SPATA13: variants seen among roughly 807,000 people sequenced by gnomAD.
SPATA13 encodes spermatogenesis-associated protein 13.
In SPATA13, 50 loss-of-function variants were observed where a neutral mutation model predicts 104.0. That is an observed-to-expected ratio of 0.48 (90% CI 0.38 to 0.61). The LOEUF (loss-of-function observed/expected upper bound fraction) is 0.61, where lower values mean the gene tolerates loss of function less well. SPATA13 is among the 20% of genes least tolerant of loss of function. The pLI, the probability that SPATA13 is intolerant of heterozygous loss-of-function variation, is 0.00. For synonymous variants in SPATA13, 606 were observed against 667.5 expected, an observed-to-expected ratio of 0.91 and a Z score of 1.42; for missense variants, 1,524 against 1,690.6, an observed-to-expected ratio of 0.90 and a Z score of 1.73.
At position 24,286,474 on chromosome 13, in the gene SPATA13, C is replaced by G; in HGVS notation, c.2481+81C>G. On this transcript the variant is annotated intron_variant, in intron 6 of 12. Transcript: ENST00000382108. The surrounding 1 kb of genome is among the most constrained non-coding windows in gnomAD (Gnocchi z 4.9). ...TTTCAGGTCAGAACTCGCCTTTTAT[C>G]AGGTCAGCTCTTTTGTAATTGATAT... is the stretch of plus-strand genomic sequence containing the variant. 7.2e-7 allele frequency: 1 copy of G among 1,392,620 alleles called. No homozygotes were observed. Among genetic ancestry groups the G allele is most frequent in the Non-Finnish European group, 9.7e-7 (1 of 1,030,106 alleles). The allele number at this position is 1,392,620 out of a possible 1,614,324, so 86.3% of individuals were successfully genotyped here.
chr13:24,037,210 G>A (rs1202118871), intron 3 of SPATA13, among the ~76,000 whole-genome samples: 1 of 115,510 alleles, frequency 8.7e-6, no homozygotes, highest in East Asian at 3.0e-4. Flanking sequence ...TCATAGGGTG[G>A]GGGGAGGGGG....
chr13:24,122,459 C>G, intron 3 of SPATA13: 4 of 1,607,006 alleles, frequency 2.5e-6, no homozygotes, highest in Admixed American at 1.7e-5. Flanking sequence ...TCTTCACCAG[C>G]CTGCTTAGCC....
In SPATA13 at chr13:24,286,098, C is replaced by T. The variant is rs758512515; in HGVS notation, c.2302-116C>T. On this transcript the variant is annotated intron_variant, in intron 5 of 12. Coordinates refer to ENST00000382108, the MANE Select transcript of SPATA13 (RefSeq NM_001166271.3). This position sits in a 1 kb window ranked among gnomAD's most constrained non-coding sequence, Gnocchi z 4.9. The stretch of plus-strand genomic sequence containing the variant: ...ATAGTCAGTGTGGACCAAATGCCAC[C>T]AGCATATCCAAGTGAGAGGATACCA... 2.6e-5 allele frequency: 25 copies of T among 970,090 alleles called. No individual in the cohort carries two copies. The highest frequency in any genetic ancestry group is 3.8e-5 in the Non-Finnish European group (25 of 655,032). 60.1% of individuals were successfully genotyped at this position (970,090 alleles called of 1,614,324 possible). A position where few individuals can be genotyped will look rare whatever the true frequency, so the allele number is the denominator to read the frequency against.
intron 2 of SPATA13, among the ~76,000 whole-genome samples, chr13:24,247,551 C>T (rs560468208): frequency 1.5e-5 from 2 of 133,106 alleles, no homozygotes; most frequent in South Asian, 2.5e-4. Flanking sequence ...GCAATTTCAG[C>T]CCACTGCAAC....
chr13:24,005,075 T>TAATTTAAAGAGCCATTTAA (rs575712057), intron 2 of SPATA13, among the ~76,000 whole-genome samples: 7 of 152,236 alleles, frequency 4.6e-5, no homozygotes, highest in Non-Finnish European at 8.8e-5. Flanking sequence ...TTAAAAGAGC[T>TAATTTAAAGAGCCATTTAA]AAGAGTTTCT....
chr13:24,242,169 C>T (rs553934160), intron 2 of SPATA13, among the ~76,000 whole-genome samples: 6 of 152,186 alleles, frequency 3.9e-5, no homozygotes, highest in South Asian at 2.1e-4. Context: ...GTTCCATAGA[C>T]GGCCAGTTAG....
At chr13:24,063,826 C>T (rs535825406) in intron 3 of SPATA13, among the ~76,000 whole-genome samples, 2 of 152,284 alleles carry the variant, frequency 1.3e-5, no homozygotes, top group South Asian at 2.1e-4. Context: ...GAATTTGTGT[C>T]GTTTCCTGCC....
At chr13:24,201,340 C>T (rs1226216235) in intron 1 of SPATA13, among the ~76,000 whole-genome samples, 1 of 152,020 alleles carries the variant, frequency 6.6e-6, no homozygotes, top group African/African-American at 2.4e-5. Flanking sequence ...CCCCTGTTCA[C>T]TGTTTCTTTT....
intron 1 of SPATA13, among the ~76,000 whole-genome samples, chr13:24,184,753 A>G (rs909286256): frequency 2.0e-5 from 3 of 152,188 alleles, no homozygotes; most frequent in Admixed American, 6.5e-5. Flanking sequence ...CGTGTCCACC[A>G]TGGTATGACC....
chr13:24,258,364 C>CA (rs3067220), intron 4 of SPATA13, among the ~76,000 whole-genome samples: 22,483 of 96,302 alleles, frequency 0.23, 2,762 homozygotes, highest in African/African-American at 0.31. Flanking sequence ...GAGTTCATCT[C>CA]AAAAAAAAAA....
chr13:24,202,571 A>T (rs1319965138), intron 1 of SPATA13, among the ~76,000 whole-genome samples: 1 of 88,390 alleles, frequency 1.1e-5, no homozygotes, highest in Admixed American at 1.3e-4. Flanking sequence ...AAGGTACAAT[A>T]TTAGAATGTT....
intron 4 of SPATA13, among the ~76,000 whole-genome samples, chr13:24,254,154 C>T (rs1046954740): frequency 1.3e-5 from 2 of 151,850 alleles, no homozygotes; most frequent in African/African-American, 4.8e-5. Context: ...CCCAGTGGTA[C>T]GAAGAGGCAA....
intron 9 of SPATA13, among the ~76,000 whole-genome samples, chr13:24,294,222 C>T (rs1012325985): frequency 4.6e-5 from 7 of 152,174 alleles, no homozygotes; most frequent in Non-Finnish European, 8.8e-5. Flanking sequence ...GTTGGTGAGG[C>T]GAATGCCATA....
At chr13:24,248,111 T>C (rs1329624432) in intron 2 of SPATA13, among the ~76,000 whole-genome samples, 1 of 152,186 alleles carries the variant, frequency 6.6e-6, no homozygotes, top group Admixed American at 6.5e-5. Flanking sequence ...AGGCAGGGCT[T>C]ACAGGCCTCC....
At chr13:24,273,976 C>T (rs1252384281) in intron 4 of SPATA13, among the ~76,000 whole-genome samples, 1 of 152,172 alleles carries the variant, frequency 6.6e-6, no homozygotes, top group African/African-American at 2.4e-5. Flanking sequence ...AGGCATGAGC[C>T]ACTGCGCCCG....
chr13:24,151,683 C>G (rs1237887894), intron 3 of SPATA13, among the ~76,000 whole-genome samples: 1 of 152,108 alleles, frequency 6.6e-6, no homozygotes, highest in Non-Finnish European at 1.5e-5. Flanking sequence ...GGTACATCAC[C>G]AACCTACCAG....
rs765561404 is a variant in SPATA13 at position 24,240,030 on chromosome 13, T to C, written c.1654-9447T>C. The stretch of plus-strand genomic sequence containing the variant: ...CATAAAATTGCAACCTACGACCGGG[T>C]GTGGTGGCTCACGCCTGTAATCTCA... On this transcript the variant is annotated intron_variant, in intron 2 of 12. Transcript: ENST00000382108. Among the ~76,000 whole-genome samples, 35 of 151,830 alleles carry C rather than the reference T, an allele frequency of 2.3e-4. No homozygotes were observed. The Middle Eastern group carries it at 0.01, about 44-fold the overall frequency.
intron 1 of SPATA13, among the ~76,000 whole-genome samples, chr13:24,199,161 T>C (rs1870259915): frequency 6.6e-6 from 1 of 152,086 alleles, no homozygotes; most frequent in Non-Finnish European, 1.5e-5. Flanking sequence ...AGTTCTGGGA[T>C]TACAGGCCTG....
intron 3 of SPATA13, among the ~76,000 whole-genome samples, chr13:24,018,855 TTG>T (rs2137696662): frequency 6.6e-6 from 1 of 152,336 alleles, no homozygotes; most frequent in East Asian, 1.9e-4. Context: ...TCACATATCT[TTG>T]TGTGTTACTT....
Sources: allele counts gnomAD v4.1 joint callset (sites outside exome capture counted in the v4.1 genomes callset), GRCh38; gene constraint gnomAD v4.1.1; non-coding constraint Gnocchi (gnomAD v3.1); transcripts MANE v1.5; gene names NCBI Gene and HGNC (gene_info 2026-07-23, HGNC 2026-07-21).